Variants in FABP12 observed in about 807,000 individuals in gnomAD.
The protein encoded by FABP12 is fatty acid binding protein 12, also known as fatty acid-binding protein 12.
Under a neutral mutation model 13.7 loss-of-function variants are expected in FABP12, and 19 were observed. The observed-to-expected ratio is 1.39, with a 90% CI of 0.97 to 2.04. FABP12 has a LOEUF of 2.04. Among genes scored for constraint, FABP12 ranks in the 30% most tolerant of loss-of-function variants. The pLI, the probability that FABP12 is intolerant of heterozygous loss-of-function variation, is 0.00. For synonymous variants in FABP12, 61 were observed against 57.0 expected, an observed-to-expected ratio of 1.07 and a Z score of -0.32; for missense variants, 182 against 164.2, an observed-to-expected ratio of 1.11 and a Z score of -0.59.
At chr8:81,581,655 G>A (rs1341075405) in intron 1 of FABP12, among the ~76,000 whole-genome samples, 1 of 152,136 alleles carries the variant, frequency 6.6e-6, no homozygotes, top group African/African-American at 2.4e-5. Context: ...TTACAAGATT[G>A]GAAAGAATGA....
Position 81,574,610 on chromosome 8 carries a change from A to T in FABP12, c.-185+15443T>A, listed in dbSNP as rs373751939. On this transcript the variant is annotated intron_variant, in intron 1 of 5. Transcript: ENST00000692030. ...TTTTTTTGTTGGTAATTTTTTAATT[A>T]CCATTTCAATCTCACTGCTCGTTAT... is the stretch of plus-strand genomic sequence containing the variant. Among the ~76,000 whole-genome samples, 11 of 152,146 alleles carry T rather than the reference A, an allele frequency of 7.2e-5. No individual in the cohort carries two copies. In the East Asian group the frequency reaches 1.9e-3, roughly 27 times the overall value.
exon 2 of FABP12, among the ~76,000 whole-genome samples, chr8:81,539,657 C>G (rs16909322): frequency 0.35 from 52,545 of 152,010 alleles, 12,154 homozygotes; most frequent in African/African-American, 0.67. Flanking sequence ...CTGAAGGCTG[C>G]TCTTAGGGTT....
At chr8:81,588,892 G>T (rs1214172989) in intron 1 of FABP12, among the ~76,000 whole-genome samples, 1 of 152,164 alleles carries the variant, frequency 6.6e-6, no homozygotes, top group Non-Finnish European at 1.5e-5. Flanking sequence ...GTGGGGGCTG[G>T]CAGTGGATAT....
At chr8:81,537,420 T>A (rs1273030591), upstream of FABP12, among the ~76,000 whole-genome samples, 3 of 152,138 alleles carry the variant, frequency 2.0e-5, no homozygotes, top group Non-Finnish European at 4.4e-5. Context: ...CTTTTTTTTT[T>A]ATCACCTTAG....
At chr8:81,558,201 CA>C (rs1191103251) in intron 1 of FABP12, among the ~76,000 whole-genome samples, 1 of 152,118 alleles carries the variant, frequency 6.6e-6, no homozygotes, top group Non-Finnish European at 1.5e-5. Flanking sequence ...AGTAAACAGA[CA>C]AAAAAGCACA....
chr8:81,546,883 A>G (rs899582737), intron 1 of FABP12, among the ~76,000 whole-genome samples: 2 of 152,130 alleles, frequency 1.3e-5, no homozygotes, highest in Non-Finnish European at 1.5e-5. Context: ...CGCCCACCTC[A>G]AGTCACAGAA....
At chr8:81,590,117 G>A (rs1157894755) in exon 1 of FABP12, among the ~76,000 whole-genome samples, 1 of 152,202 alleles carries the variant, frequency 6.6e-6, no homozygotes, top group Non-Finnish European at 1.5e-5. Context: ...CCACCTGCAT[G>A]TTATGCAGAG....
intron 1 of FABP12, among the ~76,000 whole-genome samples, chr8:81,580,031 A>G (rs1277113469): frequency 6.6e-6 from 1 of 152,208 alleles, no homozygotes. Context: ...CCTACTTTCC[A>G]CCTGGTACTT....
At chr8:81,525,540 AGATAGATAGATAGAT>A (rs1197884529) in intron 4 of FABP12, among the ~76,000 whole-genome samples, 3 of 151,106 alleles carry the variant, frequency 2.0e-5, no homozygotes, top group South Asian at 4.2e-4. Context: ...ATAGATAGAT[AGATAGATAGATAGAT>A]GATAGATAGA....
At chr8:81,563,380 G>T (rs1399762019) in intron 1 of FABP12, among the ~76,000 whole-genome samples, 1 of 152,178 alleles carries the variant, frequency 6.6e-6, no homozygotes, top group Non-Finnish European at 1.5e-5. Context: ...ATGCCCAGAT[G>T]CTGACAAACC....
At chr8:81,572,349 T>A (rs1227157470) in intron 1 of FABP12, among the ~76,000 whole-genome samples, 1 of 152,222 alleles carries the variant, frequency 6.6e-6, no homozygotes, top group Non-Finnish European at 1.5e-5. Context: ...CTTTATCCAC[T>A]CATTGATTGA....
chr8:81,544,339 G>A (rs940036242), intron 1 of FABP12, among the ~76,000 whole-genome samples: 3 of 152,220 alleles, frequency 2.0e-5, no homozygotes, highest in Non-Finnish European at 4.4e-5. Flanking sequence ...GTTTCTAGGG[G>A]AAAATTCGGC....
intron 1 of FABP12, among the ~76,000 whole-genome samples, chr8:81,578,281 T>C (rs1198502088): frequency 6.6e-6 from 1 of 152,176 alleles, no homozygotes; most frequent in African/African-American, 2.4e-5. Context: ...ACTAAAACCA[T>C]AATTCGACAA....
At chr8:81,545,805 C>G (rs1419037006) in intron 1 of FABP12, among the ~76,000 whole-genome samples, 1 of 152,172 alleles carries the variant, frequency 6.6e-6, no homozygotes, top group East Asian at 1.9e-4. Flanking sequence ...TCCAGAGACT[C>G]ATTCAGGGTC....
At chr8:81,560,056 T>C (rs1173264294) in intron 1 of FABP12, among the ~76,000 whole-genome samples, 1 of 152,224 alleles carries the variant, frequency 6.6e-6, no homozygotes, top group Non-Finnish European at 1.5e-5. Context: ...TGAATTCATT[T>C]TGAGAAAAAA....
intron 1 of FABP12, among the ~76,000 whole-genome samples, chr8:81,547,949 G>GAAAAGAA: frequency 1.3e-5 from 2 of 152,290 alleles, no homozygotes; most frequent in East Asian, 3.9e-4. Context: ...AATTCATACA[G>GAAAAGAA]AAAAGAAAAT....
chr8:81,530,933 A>G (rs1456577873), intron 2 of FABP12, among the ~76,000 whole-genome samples: 1 of 152,222 alleles, frequency 6.6e-6, no homozygotes, highest in African/African-American at 2.4e-5. Flanking sequence ...AAGATCCCCT[A>G]AAGCTTAGAG....
In FABP12 at chr8:81,587,654, T is replaced by C. The variant is rs546942025; in HGVS notation, c.-185+2399A>G. On this transcript the variant is annotated intron_variant, in intron 1 of 5. Transcript: ENST00000692030. Reference sequence around the variant, plus strand: ...TCTCAGCTTGGACATTATTGATGTATAGAAATGCTACTAATTTTTGTACAT... The same window carrying C: ...TCTCAGCTTGGACATTATTGATGTACAGAAATGCTACTAATTTTTGTACAT... 6.6e-5 allele frequency among the ~76,000 whole-genome samples: 10 copies of C among 152,234 alleles called. No individual in the cohort carries two copies. In the South Asian group the frequency reaches 1.2e-3, roughly 19 times the overall value.
intron 1 of FABP12, chr8:81,533,273 G>C (rs941353710): frequency 1.3e-5 from 2 of 152,188 alleles, no homozygotes; most frequent in African/African-American, 2.4e-5. Context: ...TAGTCATTTT[G>C]TCTACTCTGT....
Sources: gnomAD v4.1 joint callset for allele counts (sites outside exome capture counted in the v4.1 genomes callset) on GRCh38, gnomAD v4.1.1 for gene constraint, MANE v1.5 for transcripts, NCBI Gene and HGNC (gene_info 2026-07-23, HGNC 2026-07-21) for gene names.